The following SGCZ variants were observed in gnomAD, a reference collection of about 807,000 sequenced individuals.
SGCZ encodes the protein sarcoglycan zeta, also known as zeta-sarcoglycan.
SGCZ carries 40 observed loss-of-function variants against 41.3 expected under a neutral mutation model. The ratio of observed to expected loss-of-function variants is 0.97; its 90% confidence interval spans 0.75 to 1.26. SGCZ has a LOEUF of 1.26. Ranked by LOEUF, SGCZ falls within the 50% of genes most tolerant of loss-of-function variation. The probability of loss-of-function intolerance (pLI) is 0.00; values close to 1 mark genes in which losing one functional copy is unlikely to be tolerated. For missense variants in SGCZ, 552 were observed against 369.8 expected, an observed-to-expected ratio of 1.49 and a Z score of -4.04; for synonymous variants, 206 against 137.5, an observed-to-expected ratio of 1.50 and a Z score of -3.49.
chr8:14,179,126 C>T (rs1020733132), intron 4 of SGCZ, among the ~76,000 whole-genome samples: 2 of 152,158 alleles, frequency 1.3e-5, no homozygotes, highest in African/African-American at 4.8e-5. Flanking sequence ...TCTAAAACCA[C>T]CCAAACAATC....
intron 2 of SGCZ, among the ~76,000 whole-genome samples, chr8:14,416,490 A>C (rs1205614112): frequency 6.6e-6 from 1 of 151,890 alleles, no homozygotes; most frequent in Non-Finnish European, 1.5e-5. Flanking sequence ...CTTCATAGAG[A>C]ATCTGTATAC....
Position 14,088,434 on chromosome 8 carries a change from A to G in SGCZ, c.*2009T>C, listed in dbSNP as rs1801591787. On this transcript the variant is annotated 3_prime_UTR_variant, in exon 8 of 8. Transcript: ENST00000382080. ...AATATGTCTTAAATTAAATTACTAC[A>G]TAATGTTTTCCTTAAAAGTCCATAA... Among the ~76,000 whole-genome samples the G allele has an allele frequency of 6.6e-6, 1 of 151,854 alleles. No homozygotes were observed. Among genetic ancestry groups the G allele is most frequent in the African/African-American group, 2.4e-5 (1 of 41,416 alleles).
chr8:15,024,010 T>C (rs1803355413), intron 1 of SGCZ, among the ~76,000 whole-genome samples: 2 of 152,168 alleles, frequency 1.3e-5, no homozygotes, highest in South Asian at 4.1e-4. Flanking sequence ...CATTAAGTAA[T>C]AATATTAGAA....
At chr8:14,280,301 G>A (rs1211851672) in intron 3 of SGCZ, among the ~76,000 whole-genome samples, 2 of 151,772 alleles carry the variant, frequency 1.3e-5, no homozygotes, top group Admixed American at 1.3e-4. Flanking sequence ...TTCAAATACA[G>A]GTAGTAATAT....
intron 1 of SGCZ, among the ~76,000 whole-genome samples, chr8:14,680,846 T>A (rs1434002116): frequency 3.3e-5 from 5 of 150,240 alleles, no homozygotes; most frequent in Admixed American, 6.7e-5. Context: ...GTGTCTTAGA[T>A]GAAATATATA....
chr8:14,738,982 G>C (rs1563237046), intron 1 of SGCZ, among the ~76,000 whole-genome samples: 1 of 152,048 alleles, frequency 6.6e-6, no homozygotes. Flanking sequence ...GGGTTGACAA[G>C]GGACCTGAAA....
At chr8:14,337,150 C>A (rs1802532203) in intron 2 of SGCZ, among the ~76,000 whole-genome samples, 1 of 152,144 alleles carries the variant, frequency 6.6e-6, no homozygotes, top group Non-Finnish European at 1.5e-5. Flanking sequence ...CAATATATGG[C>A]TGGAACTCCC....
intron 2 of SGCZ, among the ~76,000 whole-genome samples, chr8:14,408,948 A>AGTGTGTGTGTGT (rs775874986): frequency 1.8e-3 from 207 of 112,186 alleles, no homozygotes; most frequent in African/African-American, 5.7e-3. Flanking sequence ...TTTTAAATTA[A>AGTGTGTGTGTGT]GAGAGTGTGT....
chr8:14,105,710 T>C (rs981950972), intron 6 of SGCZ, among the ~76,000 whole-genome samples: 3 of 152,090 alleles, frequency 2.0e-5, no homozygotes, highest in Non-Finnish European at 4.4e-5. Flanking sequence ...GTTTACATAA[T>C]GATGAATAAT....
At chr8:14,464,300 A>G (rs1800985658) in intron 2 of SGCZ, among the ~76,000 whole-genome samples, 1 of 151,416 alleles carries the variant, frequency 6.6e-6, no homozygotes, top group Non-Finnish European at 1.5e-5. Context: ...TCTTCTTATC[A>G]GTTATAGGTC....
chr8:14,872,622 G>T (rs1255792418), intron 1 of SGCZ, among the ~76,000 whole-genome samples: 2 of 151,992 alleles, frequency 1.3e-5, no homozygotes, highest in Non-Finnish European at 2.9e-5. Flanking sequence ...CACACAGTAT[G>T]TCTATAAATA....
intron 1 of SGCZ, among the ~76,000 whole-genome samples, chr8:15,009,032 G>C (rs991941623): frequency 6.6e-6 from 1 of 152,124 alleles, no homozygotes; most frequent in Non-Finnish European, 1.5e-5. Flanking sequence ...CTATACAATT[G>C]TCCCTCCTGT....
intron 1 of SGCZ, among the ~76,000 whole-genome samples, chr8:14,885,812 G>T (rs921930537): frequency 6.6e-6 from 1 of 151,442 alleles, no homozygotes; most frequent in African/African-American, 2.4e-5. Context: ...TGTTGATGAT[G>T]TTATATTTTT....
rs543814869 is a variant in SGCZ, at chr8:14,107,088, C to T, written c.620+1075G>A. On this transcript the variant is annotated intron_variant, in intron 6 of 7. Coordinates refer to ENST00000382080, the MANE Select transcript of SGCZ (RefSeq NM_139167.4). ...AAAATTAACCGGGCACAATGGCGGG[C>T]GCCTGTAGTCCTAGCTACTCGAGAG... Among the ~76,000 whole-genome samples the T allele has an allele frequency of 7.2e-4, 110 of 152,000 alleles. 1 individual carries two copies. In the South Asian group the frequency reaches 0.013, roughly 18 times the overall value.
chr8:14,377,607 C>T (rs1804182101), intron 2 of SGCZ, among the ~76,000 whole-genome samples: 1 of 151,352 alleles, frequency 6.6e-6, no homozygotes, highest in Admixed American at 6.6e-5. Flanking sequence ...TATACATGTG[C>T]CATGCTGGTG....
chr8:14,472,679 C>T (rs1020500922), intron 2 of SGCZ, among the ~76,000 whole-genome samples: 1 of 151,908 alleles, frequency 6.6e-6, no homozygotes, highest in African/African-American at 2.4e-5. Context: ...CATGTATTGC[C>T]CTATTTAACT....
intron 2 of SGCZ, among the ~76,000 whole-genome samples, chr8:14,526,806 T>A (rs897058311): frequency 2.0e-5 from 3 of 152,032 alleles, no homozygotes; most frequent in African/African-American, 7.2e-5. Flanking sequence ...AACAGGAGAA[T>A]TTATCTATGA....
chr8:15,178,414 A>G (rs1800063703), intron 1 of SGCZ, among the ~76,000 whole-genome samples: 1 of 152,162 alleles, frequency 6.6e-6, no homozygotes, highest in Admixed American at 6.5e-5. Flanking sequence ...TACCCCATGT[A>G]GCGAATGGGA....
chr8:15,061,723 C>A (rs1447502685), intron 1 of SGCZ, among the ~76,000 whole-genome samples: 2 of 151,996 alleles, frequency 1.3e-5, no homozygotes, highest in East Asian at 3.9e-4. Context: ...TCATAAGACA[C>A]CAAATGCCAG....
Sources: allele counts gnomAD v4.1 joint callset (sites outside exome capture counted in the v4.1 genomes callset), GRCh38; gene constraint gnomAD v4.1.1; transcripts MANE v1.5; gene names NCBI Gene and HGNC (gene_info 2026-07-23, HGNC 2026-07-21).